Variants in ARHGEF4 observed in about 807,000 individuals in gnomAD.
The protein encoded by ARHGEF4 is Rho guanine nucleotide exchange factor 4.
In ARHGEF4, 119 loss-of-function variants were observed where a neutral mutation model predicts 162.0. The ratio of observed to expected loss-of-function variants is 0.73; its 90% confidence interval spans 0.63 to 0.86. ARHGEF4 has a LOEUF of 0.86. Ranked by LOEUF, ARHGEF4 falls within the 40% of genes least tolerant of loss-of-function variation. The pLI, the probability that ARHGEF4 is intolerant of heterozygous loss-of-function variation, is 0.00. For missense variants in ARHGEF4, 2,488 were observed against 2,456.0 expected, an observed-to-expected ratio of 1.01 and a Z score of -0.28; for synonymous variants, 1,014 against 979.9, an observed-to-expected ratio of 1.03 and a Z score of -0.65.
intron 4 of ARHGEF4, among the ~76,000 whole-genome samples, chr2:130,979,061 T>G (rs767811375): frequency 6.6e-6 from 1 of 151,818 alleles, no homozygotes; most frequent in Non-Finnish European, 1.5e-5. Context: ...TCTAAGCCAG[T>G]TTTTTTTGAG....
rs758346864 is a variant in ARHGEF4, at chr2:131,040,088, G to A, written c.4378G>A (p.Gly1460Arg). The A allele has an allele frequency of 6.2e-7, 1 of 1,607,720 alleles. No individual in the cohort carries two copies. The highest frequency in any genetic ancestry group is 8.5e-7 in the Non-Finnish European group (1 of 1,177,196). Residue 1460 changes from glycine (G) to arginine (R), a missense_variant, in exon 7 of 14, where the codon GGG becomes AGG. Physicochemically the swap from Gly to Arg is moderately radical, Grantham distance 125 (BLOSUM62 -2). Transcript: ENST00000409359. ...CGGGAACAGCGGAGCGGAGGACGGC[G>A]GGGCGGAGGCGCAGAGCAGCAAGGA... ...LAGNSGAEDG[G>R]AEAQSSKDQM...
rs1187231481 is a variant in ARHGEF4, at chr2:130,914,075, A to G, written c.129A>G (p.Gly43=). The change falls in exon 2 of 14, where the codon GGA becomes GGG. Residue 43 remains glycine (G), a synonymous_variant. Transcript: ENST00000409359. ...PTSPAEQVEQ[G]WNQQTDRDDS... The stretch of plus-strand genomic sequence containing the variant: ...CCCCTGCAGAACAAGTGGAGCAGGG[A>G]TGGAACCAGCAAACAGACCGCGATG... 1 of 1,536,032 alleles carries G rather than the reference A, an allele frequency of 6.5e-7. No homozygotes were observed. The highest frequency in any genetic ancestry group is 8.7e-7 in the Non-Finnish European group (1 of 1,146,920).
chr2:130,884,247 TACAC>T (rs946329873), intron 1 of ARHGEF4, among the ~76,000 whole-genome samples: 5 of 150,762 alleles, frequency 3.3e-5, no homozygotes, highest in African/African-American at 1.2e-4. Flanking sequence ...CACACACGCA[TACAC>T]ATGCACACAC....
chr2:130,933,975 T>A (rs1294539787), intron 3 of ARHGEF4, among the ~76,000 whole-genome samples: 1 of 148,042 alleles, frequency 6.8e-6, no homozygotes, highest in South Asian at 2.3e-4. Context: ...TGAGCAGAAG[T>A]GGTGAAATGG....
intron 4 of ARHGEF4, among the ~76,000 whole-genome samples, chr2:130,957,250 T>C (rs1241978419): frequency 6.8e-6 from 1 of 147,482 alleles, no homozygotes; most frequent in Non-Finnish European, 1.5e-5. Context: ...AACTCATTCT[T>C]TTTTTTTTTT....
intron 1 of ARHGEF4, among the ~76,000 whole-genome samples, chr2:130,880,827 C>G (rs1306473423): frequency 1.3e-5 from 2 of 151,034 alleles, no homozygotes; most frequent in Non-Finnish European, 3.0e-5. Flanking sequence ...GAGCACCCGG[C>G]CAAATTTTTT....
intron 1 of ARHGEF4, among the ~76,000 whole-genome samples, chr2:130,865,790 T>C (rs1176122483): frequency 6.6e-6 from 1 of 152,182 alleles, no homozygotes; most frequent in Non-Finnish European, 1.5e-5. Context: ...CTTAAATCAT[T>C]CTGCATCCAG....
chr2:130,883,885 A>G (rs1039316286), intron 1 of ARHGEF4, among the ~76,000 whole-genome samples: 1 of 152,146 alleles, frequency 6.6e-6, no homozygotes, highest in African/African-American at 2.4e-5. Flanking sequence ...CCTGAGCTTC[A>G]GCCTCCTCAT....
intron 4 of ARHGEF4, among the ~76,000 whole-genome samples, chr2:130,953,971 C>T (rs1249725305): frequency 6.6e-6 from 1 of 152,214 alleles, no homozygotes; most frequent in Admixed American, 6.5e-5. Context: ...TAAACTAGTT[C>T]AACCATTGTG....
In ARHGEF4 at chr2:130,915,382, C is replaced by T. The variant is rs1279014583; in HGVS notation, c.1436C>T (p.Ala479Val). 3.2e-6 allele frequency: 5 copies of T among 1,550,658 alleles called. 1 individual carries two copies. Among genetic ancestry groups the T allele is most frequent in the Middle Eastern group, 1.7e-4 (1 of 5,992 alleles). The change falls in exon 2 of 14, where the codon GCA becomes GTA. Residue 479 changes from alanine to valine, a missense_variant. This residue lies in a region of ARHGEF4 where 1,642 missense variants were observed against 1,481.5 expected (regional missense o/e 1.11). Coordinates refer to ENST00000409359, the MANE Select transcript of ARHGEF4 (RefSeq NM_001367493.1). The stretch of plus-strand genomic sequence containing the variant: ...CAGGAACCCCAAGGCACCCAACTCG[C>T]ACCAAGAGCTGCTGATGAGAGAGAG... ...RTQEPQGTQL[A>V]PRAADERETQ...
chr2:130,917,084 CTT>C lies in ARHGEF4; in HGVS notation c.3140_3141del (p.Phe1047SerfsTer34). ...EGGRYLPSGI[F>X]PEKSWLASPG... ...GCGGTAGGTACCTACCTTCAGGTAT[CTT>C]TCCGGAAAAGTCCTGGCTGGCGTCC... On this transcript the variant is annotated frameshift_variant, in exon 2 of 14. Transcript: ENST00000409359. LOFTEE classifies it high-confidence loss of function. The C allele has an allele frequency of 3.2e-6, 5 of 1,550,654 alleles. No homozygotes were observed. Among genetic ancestry groups the C allele is most frequent in the Non-Finnish European group, 3.5e-6 (4 of 1,146,992 alleles).
intron 3 of ARHGEF4, among the ~76,000 whole-genome samples, chr2:130,934,162 A>G (rs1044192098): frequency 1.3e-5 from 2 of 152,174 alleles, no homozygotes; most frequent in Admixed American, 1.3e-4. Context: ...ATCAATTTTG[A>G]TGACGGTTTT....
chr2:131,016,456 C>A (rs1688781198), intron 4 of ARHGEF4, among the ~76,000 whole-genome samples: 2 of 152,230 alleles, frequency 1.3e-5, no homozygotes, highest in South Asian at 4.1e-4. Flanking sequence ...AGGCCGCCTG[C>A]ACCCTGCCCA....
At chr2:130,925,320 A>G (rs1238047144) in intron 2 of ARHGEF4, among the ~76,000 whole-genome samples, 2 of 152,212 alleles carry the variant, frequency 1.3e-5, no homozygotes, top group Non-Finnish European at 2.9e-5. Context: ...GAGAGAACAC[A>G]GAAATAGACC....
Position 130,917,107 on chromosome 2 carries a change from C to G in ARHGEF4, c.3161C>G (p.Ala1054Gly), listed in dbSNP as rs561182052. Residue 1054 changes from alanine (A) to glycine (G), a missense_variant, in exon 2 of 14, where the codon GCG becomes GGG. Ala to Gly is a moderately conservative substitution (Grantham distance 60). Transcript: ENST00000409359. ...SGIFPEKSWLASPGSPRAQQA... is the reference protein window; with the variant it reads ...SGIFPEKSWLGSPGSPRAQQA... ...ATCTTTCCGGAAAAGTCCTGGCTGG[C>G]GTCCCCCGGCAGCCCTCGGGCCCAG... 1 of 1,550,380 alleles carries G rather than the reference C, an allele frequency of 6.5e-7. No individual in the cohort carries two copies. The highest frequency in any genetic ancestry group is 2.0e-5 in the Admixed American group (1 of 50,984).
rs576598312 is a variant in ARHGEF4, at chr2:130,874,769, A to G, written c.39+37777A>G. Among the ~76,000 whole-genome samples the G allele has an allele frequency of 1.3e-4, 20 of 152,154 alleles. No homozygotes were observed. In the South Asian group the frequency reaches 3.7e-3, roughly 28 times the overall value. On this transcript the variant is annotated intron_variant, in intron 1 of 13. Coordinates refer to ENST00000409359, the MANE Select transcript of ARHGEF4 (RefSeq NM_001367493.1). ...GCATTGGTCATGCCCTTCTTTCATA[A>G]CCACTGCCACCTCCCCATCTTTCAC... is the stretch of plus-strand genomic sequence containing the variant.
At chr2:130,888,000 C>T (rs1445827791) in intron 1 of ARHGEF4, among the ~76,000 whole-genome samples, 3 of 152,094 alleles carry the variant, frequency 2.0e-5, no homozygotes, top group Non-Finnish European at 4.4e-5. Context: ...CAGGTGTGTG[C>T]AGCTTCCCAG....
At position 130,952,457 on chromosome 2, in the gene ARHGEF4, T is replaced by G. The variant is rs190209374; in HGVS notation, c.3985+5822T>G. 2.1e-3 allele frequency among the ~76,000 whole-genome samples: 326 copies of G among 152,230 alleles called. 2 individuals carry two copies. The highest frequency in any genetic ancestry group is 7.4e-3 in the African/African-American group (308 of 41,516). ...TATGACAAACCCACAGCCAATATCA[T>G]ACTGAATGGGCAAAAACTGGAAGCA... On this transcript the variant is annotated intron_variant, in intron 4 of 13. Coordinates refer to ENST00000409359, the MANE Select transcript of ARHGEF4 (RefSeq NM_001367493.1).
chr2:130,961,665 C>T (rs1173694981), intron 4 of ARHGEF4, among the ~76,000 whole-genome samples: 6 of 152,162 alleles, frequency 3.9e-5, no homozygotes, highest in African/African-American at 7.2e-5. Context: ...GTGACACTGA[C>T]GCTGTCGCCA....
Sources: gnomAD v4.1 joint callset for allele counts (sites outside exome capture counted in the v4.1 genomes callset) on GRCh38, gnomAD v4.1.1 for gene constraint, gnomAD v4.1.1 regional missense constraint, MANE v1.5 for transcripts, NCBI Gene and HGNC (gene_info 2026-07-23, HGNC 2026-07-21) for gene names.